Variants in TMEM176A observed in about 807,000 individuals in gnomAD.
TMEM176A encodes transmembrane protein 176A.
A neutral mutation model predicts 27.9 loss-of-function variants in TMEM176A; 20 were observed. The observed-to-expected ratio is 0.72, with a 90% confidence interval of 0.50 to 1.04. The LOEUF is 1.04. TMEM176A is among the 50% of genes least tolerant of loss of function. TMEM176A has a pLI of 0.00. For synonymous variants in TMEM176A, 125 were observed against 118.0 expected, an observed-to-expected ratio of 1.06 and a Z score of -0.38; for missense variants, 252 against 289.1, an observed-to-expected ratio of 0.87 and a Z score of 0.93.
intron 5 of TMEM176A, 114 bp from the exon 6 acceptor site, chr7:150,804,248 C>A: frequency 2.5e-6 from 2 of 808,808 alleles, no homozygotes; most frequent in Admixed American, 2.3e-5. Context: ...CTCCAGAAGC[C>A]ACGAACTTGG....
At position 150,802,110 on chromosome 7, in the gene TMEM176A, TTCTC is replaced by T. The variant is rs1373634649; in HGVS notation, c.175-95_175-92del. On this transcript the variant is annotated intron_variant, in intron 2 of 6. Transcript: ENST00000004103. ...TCTTCTCTTCTCTTCTCTTCTTTCT[TTCTC>T]TCTCTCTCTACCTCTCCCTCTCTTT... The T allele has an allele frequency of 3.9e-5, 31 of 786,582 alleles. No individual in the cohort carries two copies. The Admixed American group carries it at 4.5e-4, about 11-fold the overall frequency. 48.7% of individuals were successfully genotyped at this position (786,582 alleles called of 1,614,324 possible). A position where few individuals can be genotyped will look rare whatever the true frequency, so the allele number is the denominator to read the frequency against.
rs746065280 is a variant in TMEM176A, at chr7:150,804,353, T to C, written c.556-9T>C. ...CCTGGTGCTTATGGCCTTGGCCCTC[T>C]GTCCCCAGGCCTTGTTCAGAACCCT... On this transcript the variant is annotated splice_polypyrimidine_tract_variant and intron_variant, in intron 5 of 6. Transcript: ENST00000004103. 1.2e-5 allele frequency: 19 copies of C among 1,608,980 alleles called. No homozygotes were observed. The South Asian group carries it at 1.8e-4, about 15-fold the overall frequency.
chr7:150,803,039 C>T (rs947261287), intron 3 of TMEM176A: 1 of 1,021,696 alleles, frequency 9.8e-7, no homozygotes, highest in Non-Finnish European at 1.2e-6. Flanking sequence ...TCTGTATAGA[C>T]TCACCCTTCA....
Position 150,803,693 on chromosome 7 carries a change from A to T in TMEM176A, c.416A>T (p.Asp139Val), listed in dbSNP as rs1798864855. ...GCTGCCCTCAAACTTTGGAATGAAG[A>T]TTTCCGATATGGCTACTCTTATTAC... ...AIAALKLWNE[D>V]FRYGYSYYNS... is the part of the protein sequence containing the mutation. Residue 139 changes from aspartate to valine, a missense_variant, in exon 5 of 7, where the codon GAT (aspartate) becomes GTT (valine). Transcript: ENST00000004103. The T allele has an allele frequency of 6.2e-7, 1 of 1,614,030 alleles. No individual in the cohort carries two copies. Among genetic ancestry groups the T allele is most frequent in the Non-Finnish European group, 8.5e-7 (1 of 1,180,040 alleles).
intron 3 of TMEM176A, chr7:150,802,548 C>G: frequency 1.5e-6 from 1 of 672,534 alleles, no homozygotes; most frequent in South Asian, 2.7e-5. Context: ...GCTGTTCCCA[C>G]CAGGCTGGCT....
intron 1 of TMEM176A, 148 bp from the exon 2 acceptor site, chr7:150,801,388 G>C (rs896778736): frequency 9.6e-6 from 7 of 728,182 alleles, no homozygotes; most frequent in African/African-American, 1.8e-5. Flanking sequence ...CATTCCCCTC[G>C]TGAGGGGCCA....
At chr7:150,801,384 C>A in intron 1 of TMEM176A, 152 bp from the exon 2 acceptor site, 1 of 700,626 alleles carries the variant, frequency 1.4e-6, no homozygotes, top group Non-Finnish European at 2.3e-6. Context: ...CACACATTCC[C>A]CTCGTGAGGG....
At position 150,801,488 on chromosome 7, in the gene TMEM176A, C is replaced by A. The variant is rs10239302; in HGVS notation, c.-15-48C>A. 9.9e-4 allele frequency: 1,512 copies of A among 1,529,954 alleles called. 9 individuals are homozygous for A. The African/African-American group carries it at 0.018, about 19-fold the overall frequency. 94.8% of individuals were successfully genotyped at this position (1,529,954 alleles called of 1,614,324 possible). On this transcript the variant is annotated intron_variant, in intron 1 of 6. Coordinates refer to ENST00000004103, the MANE Select transcript of TMEM176A (RefSeq NM_018487.3). ...ACCTCCCCAACTCCAATGAAATCTG[C>A]GAAAATCTTCTGACAGCCGTTCCTC...
chr7:150,802,218 A>G lies in TMEM176A; in HGVS notation c.178A>G (p.Met60Val). The change falls in exon 3 of 7, where the codon ATG becomes GTG. Residue 60 changes from methionine to valine, a missense_variant. Transcript: ENST00000004103. ...TCTTGGGTCCTTTGTCTTTCAGGTG[A>G]TGCAGATCGTGCTGGGGATCTTGAG... ...SSRLLVASWV[M>V]QIVLGILSAV... is the part of the protein sequence containing the mutation. The G allele has an allele frequency of 6.2e-7, 1 of 1,613,782 alleles. No homozygotes were observed.
intron 6 of TMEM176A, 73 bp from the exon 7 acceptor site, chr7:150,804,754 A>C: frequency 6.7e-7 from 1 of 1,500,832 alleles, no homozygotes; most frequent in Non-Finnish European, 9.3e-7. Flanking sequence ...CTCCAGAGCT[A>C]AGCTGCCCCT....
Position 150,804,433 on chromosome 7 carries a change from T to G in TMEM176A, c.627T>G (p.Pro209=). The change falls in exon 6 of 7, where the codon CCT becomes CCG. Residue 209 remains proline (P), a synonymous_variant. Coordinates refer to ENST00000004103, the MANE Select transcript of TMEM176A (RefSeq NM_018487.3). ...TGCTGCTTCTGGCATCTCTGACCCCTCTGTGGCTGTACTGCTGGAGAATGT... is the reference window on the plus strand; with the variant it reads ...TGCTGCTTCTGGCATCTCTGACCCCGCTGTGGCTGTACTGCTGGAGAATGT... ...WILLLLASLT[P]LWLYCWRMFP... is the part of the protein sequence containing the mutation. 1 of 1,614,156 alleles carries G rather than the reference T, an allele frequency of 6.2e-7. No homozygotes were observed. The highest frequency in any genetic ancestry group is 8.5e-7 in the Non-Finnish European group (1 of 1,180,002).
rs1798817759 is a variant in TMEM176A at position 150,802,137 on chromosome 7, T to C, written c.175-78T>C. 9.4e-6 allele frequency: 10 copies of C among 1,067,560 alleles called. No homozygotes were observed. The South Asian group carries it at 1.3e-4, about 13-fold the overall frequency. 66.1% of individuals were successfully genotyped at this position (1,067,560 alleles called of 1,614,324 possible). ...CTCTCTCTCTCTACCTCTCCCTCTCTTTTTGGGGTTTTAGCGGTTAATCCC... is the reference window on the plus strand; with the variant it reads ...CTCTCTCTCTCTACCTCTCCCTCTCCTTTTGGGGTTTTAGCGGTTAATCCC... On this transcript the variant is annotated intron_variant, in intron 2 of 6. Transcript: ENST00000004103.
Position 150,802,208 on chromosome 7 carries a change from C to T in TMEM176A, c.175-7C>T, listed in dbSNP as rs751580363. 6.2e-7 allele frequency: 1 copy of T among 1,613,624 alleles called. No homozygotes were observed. The highest frequency in any genetic ancestry group is 2.2e-5 in the East Asian group (1 of 44,876). Reference sequence around the variant, plus strand: ...GGAGCCGGGATCTTGGGTCCTTTGTCTTTCAGGTGATGCAGATCGTGCTGG... The same window carrying T: ...GGAGCCGGGATCTTGGGTCCTTTGTTTTTCAGGTGATGCAGATCGTGCTGG... On this transcript the variant is annotated splice_region_variant and splice_polypyrimidine_tract_variant and intron_variant, in intron 2 of 6. Transcript: ENST00000004103.
intron 5 of TMEM176A, 24 bp from the exon 6 acceptor site, chr7:150,804,338 A>G: frequency 1.3e-6 from 2 of 1,582,646 alleles, no homozygotes; most frequent in Non-Finnish European, 8.7e-7. Flanking sequence ...CCTGGTGCTT[A>G]TGGCCTTGGC....
chr7:150,803,449 C>T lies in TMEM176A; in HGVS notation c.335C>T (p.Thr112Ile). ...AAFIYEKRGGTYWALLRTLLT... is the reference protein window; with the variant it reads ...AAFIYEKRGGIYWALLRTLLT... ...TTCATTTACGAGAAACGGGGTGGTA[C>T]ATACTGGGTAAGTTCAGGGAAGGGC... The change falls in exon 4 of 7, where the codon ACA becomes ATA. Residue 112 changes from threonine (T) to isoleucine (I), a missense_variant. By Grantham distance (89) the Thr-to-Ile change is moderately conservative. Coordinates refer to ENST00000004103, the MANE Select transcript of TMEM176A (RefSeq NM_018487.3). 1 of 1,596,706 alleles carries T rather than the reference C, an allele frequency of 6.3e-7. No individual in the cohort carries two copies. Among genetic ancestry groups the T allele is most frequent in the South Asian group, 1.1e-5 (1 of 87,260 alleles).
chr7:150,801,816 A>G (rs1485218779), intron 2 of TMEM176A, 92 bp downstream of exon 2: 1 of 1,223,804 alleles, frequency 8.2e-7, no homozygotes, highest in Non-Finnish European at 1.1e-6. Context: ...TCTGAACAGG[A>G]CACCGAGCCA....
chr7:150,801,975 C>T, intron 2 of TMEM176A: 1 of 616,690 alleles, frequency 1.6e-6, no homozygotes, highest in Non-Finnish European at 2.8e-6. Flanking sequence ...TTCCTCTGGG[C>T]CAAACTCAGG....
chr7:150,802,852 G>A (rs975359895), intron 3 of TMEM176A: 10 of 988,380 alleles, frequency 1.0e-5, no homozygotes, highest in South Asian at 4.7e-5. Flanking sequence ...GACAGAAGCC[G>A]AGAGTAATTA....
chr7:150,802,142 G>A lies in TMEM176A; in HGVS notation c.175-73G>A. The stretch of plus-strand genomic sequence containing the variant: ...TCTCTCTACCTCTCCCTCTCTTTTT[G>A]GGGTTTTAGCGGTTAATCCCTGCAG... On this transcript the variant is annotated intron_variant, in intron 2 of 6. Coordinates refer to ENST00000004103, the MANE Select transcript of TMEM176A (RefSeq NM_018487.3). 6 of 1,087,916 alleles carry A rather than the reference G, an allele frequency of 5.5e-6. No homozygotes were observed. In the South Asian group the frequency reaches 6.3e-5, roughly 12 times the overall value. The allele number at this position is 1,087,916 out of a possible 1,614,324, so 67.4% of individuals were successfully genotyped here.
Sources: gnomAD v4.1 joint callset for allele counts on GRCh38, gnomAD v4.1.1 for gene constraint, MANE v1.5 for transcripts, NCBI Gene and HGNC (gene_info 2026-07-23, HGNC 2026-07-21) for gene names.